Variants in PYROXD2 observed in about 807,000 individuals in gnomAD.
PYROXD2 encodes pyridine nucleotide-disulphide oxidoreductase domain 2, also known as pyridine nucleotide-disulfide oxidoreductase domain-containing protein 2.
In PYROXD2, 69 loss-of-function variants were observed where a neutral mutation model predicts 71.1. The ratio of observed to expected loss-of-function variants is 0.97; its 90% confidence interval spans 0.80 to 1.19. PYROXD2 has a LOEUF of 1.19. PYROXD2 is among the 50% of genes most tolerant of loss of function. The probability of loss-of-function intolerance (pLI) is 0.00; values close to 1 mark genes in which losing one functional copy is unlikely to be tolerated. For missense variants in PYROXD2, 745 were observed against 748.9 expected (o/e 0.99, Z 0.06); for synonymous variants, 287 against 302.7 (o/e 0.95, Z 0.54).
chr10:98,404,027 A>G (rs1843510935), intron 4 of PYROXD2, among the ~76,000 whole-genome samples: 1 of 152,184 alleles, frequency 6.6e-6, no homozygotes. Context: ...GGCTCTTCTA[A>G]ATGGAGGCTC....
chr10:98,410,750 A>T (rs7896828), intron 2 of PYROXD2, 189 bp downstream of exon 2: 304,728 of 780,332 alleles, frequency 0.39, 66,752 homozygotes, highest in African/African-American at 0.78. Context: ...TGTGATGTCC[A>T]CAGCTGGCTG....
chr10:98,386,031 C>T (rs1425060234), intron 14 of PYROXD2, among the ~76,000 whole-genome samples: 1 of 151,858 alleles, frequency 6.6e-6, no homozygotes, highest in Non-Finnish European at 1.5e-5. Flanking sequence ...AATCCCAGCA[C>T]TTTGGGAGGC....
intron 5 of PYROXD2, among the ~76,000 whole-genome samples, chr10:98,399,027 G>A (rs374706684): frequency 2.0e-4 from 30 of 152,146 alleles, no homozygotes; most frequent in Non-Finnish European, 3.7e-4. Context: ...TGTAATCCCA[G>A]CTACTCAGGT....
rs1590930530 is a variant in PYROXD2, at chr10:98,387,371, C to A, written c.1448-64G>T. The A allele has an allele frequency of 7.8e-6, 9 of 1,154,574 alleles. No individual in the cohort carries two copies. The East Asian group carries it at 1.9e-4, about 25-fold the overall frequency. The allele number at this position is 1,154,574 out of a possible 1,614,324, so 71.5% of individuals were successfully genotyped here. A position where few individuals can be genotyped will look rare whatever the true frequency, so the allele number is the denominator to read the frequency against. ...AAGAAGAGGAGGCACTATGGGTGTA[C>A]AACTTGGCAAATTTACTAACAGTCA... On this transcript the variant is annotated intron_variant, in intron 13 of 15. Transcript: ENST00000370575.
chr10:98,414,754 T>C (rs1157046749), intron 1 of PYROXD2: 1 of 466,850 alleles, frequency 2.1e-6, no homozygotes, highest in Admixed American at 3.9e-5. Flanking sequence ...TCATTCTCCA[T>C]GGGAAGATCC....
rs778301005 is a variant in PYROXD2 at position 98,397,394 on chromosome 10, C to G, written c.576G>C (p.Leu192Phe). The G allele has an allele frequency of 3.1e-6, 5 of 1,613,094 alleles. No homozygotes were observed. Among genetic ancestry groups the G allele is most frequent in the Non-Finnish European group, 4.2e-6 (5 of 1,179,406 alleles). The change falls in exon 6 of 16, where the codon TTG (leucine) becomes TTC (phenylalanine). Residue 192 changes from leucine (L) to phenylalanine (F), a missense_variant. Coordinates refer to ENST00000370575, the MANE Select transcript of PYROXD2 (RefSeq NM_032709.3). ...VDMAAFQHGS[L>F]LQRMRSLSTL... is the part of the protein sequence containing the mutation. ...TGGAGAGCGACCTCATCCTTTGCAG[C>G]AAGGAGCCATGCTGGAAGGCCGCCA...
At chr10:98,408,062 G>A in intron 2 of PYROXD2, 65 bp from the exon 3 acceptor site, 4 of 1,485,140 alleles carry the variant, frequency 2.7e-6, no homozygotes, top group Non-Finnish European at 3.7e-6. Context: ...GCTCCCTCGG[G>A]CTGACCCGCA....
At chr10:98,388,196 C>A (rs748141299) in intron 13 of PYROXD2, 158 bp downstream of exon 13, 2 of 688,364 alleles carry the variant, frequency 2.9e-6, no homozygotes, top group Non-Finnish European at 5.0e-6. Flanking sequence ...CTGACCCCTG[C>A]AGTCAACTAT....
At chr10:98,412,637 C>G (rs957651590) in intron 1 of PYROXD2, among the ~76,000 whole-genome samples, 89 of 152,310 alleles carry the variant, frequency 5.8e-4, no homozygotes, top group African/African-American at 2.0e-3. Context: ...GCCAGTGTGC[C>G]TTCAGGGACT....
At chr10:98,411,983 A>T (rs1412459707) in intron 1 of PYROXD2, 1 of 152,256 alleles carries the variant, frequency 6.6e-6, no homozygotes, top group East Asian at 1.9e-4. Flanking sequence ...GACATGCAGC[A>T]AACTAAAGGC....
At chr10:98,386,327 G>GGAAGGA (rs1554873931) in intron 14 of PYROXD2, among the ~76,000 whole-genome samples, 32,560 of 134,752 alleles carry the variant, frequency 0.24, 4,379 homozygotes, top group South Asian at 0.33. Flanking sequence ...GGAAGGGAGG[G>GGAAGGA]AGGAAGGAAG....
intron 1 of PYROXD2, among the ~76,000 whole-genome samples, chr10:98,413,148 GGT>G (rs746730238): frequency 2.6e-4 from 39 of 152,238 alleles, no homozygotes; most frequent in Middle Eastern, 6.8e-3. Context: ...TGTGCTACTG[GGT>G]ATCTCTCCTA....
At chr10:98,384,549 T>C (rs1009366250) in intron 15 of PYROXD2, among the ~76,000 whole-genome samples, 4 of 152,160 alleles carry the variant, frequency 2.6e-5, no homozygotes, top group African/African-American at 9.7e-5. Context: ...CCCAGGAGGT[T>C]GAGGCTGCAG....
chr10:98,406,871 G>A (rs1296686638), intron 4 of PYROXD2, among the ~76,000 whole-genome samples: 2 of 133,648 alleles, frequency 1.5e-5, no homozygotes, highest in Admixed American at 8.3e-5. Context: ...CAGCCTGGGC[G>A]ACAGAGCCAG....
rs183883114 is a variant in PYROXD2, at chr10:98,393,176, G to A, written c.786-93C>T. 2.4e-4 allele frequency: 236 copies of A among 982,200 alleles called. 3 individuals carry two copies. In the East Asian group the frequency reaches 6.3e-3, roughly 26 times the overall value. The allele number at this position is 982,200 out of a possible 1,614,324, so 60.8% of individuals were successfully genotyped here. On this transcript the variant is annotated intron_variant, in intron 8 of 15. Coordinates refer to ENST00000370575, the MANE Select transcript of PYROXD2 (RefSeq NM_032709.3). ...CTATTCCTTTCCATCTTGATCTTCAGCCCTTCCCTGCCACCATCCAGCCCT... is the reference window on the plus strand; with the variant it reads ...CTATTCCTTTCCATCTTGATCTTCAACCCTTCCCTGCCACCATCCAGCCCT...
intron 1 of PYROXD2, chr10:98,413,902 A>T (rs1224624203): frequency 6.6e-6 from 1 of 152,160 alleles, no homozygotes; most frequent in African/African-American, 2.4e-5. Flanking sequence ...TGAGTTTGGC[A>T]AAAATCAAAG....
At chr10:98,404,149 C>T (rs1343473997) in intron 4 of PYROXD2, among the ~76,000 whole-genome samples, 2 of 152,190 alleles carry the variant, frequency 1.3e-5, no homozygotes, top group South Asian at 2.1e-4. Flanking sequence ...TAGAAGGAGG[C>T]GTAAACAGAC....
At chr10:98,413,070 G>A (rs1393831413) in intron 1 of PYROXD2, among the ~76,000 whole-genome samples, 1 of 152,216 alleles carries the variant, frequency 6.6e-6, no homozygotes, top group Non-Finnish European at 1.5e-5. Context: ...ACATTTGACT[G>A]TTGCCCATGC....
intron 9 of PYROXD2, 99 bp downstream of exon 9, chr10:98,392,843 C>T: frequency 3.6e-6 from 5 of 1,383,998 alleles, no homozygotes; most frequent in Non-Finnish European, 5.1e-6. Context: ...CTCATGGCCC[C>T]TCTGTTCATT....
Sources: allele counts gnomAD v4.1 joint callset (sites outside exome capture counted in the v4.1 genomes callset), GRCh38; gene constraint gnomAD v4.1.1; transcripts MANE v1.5; gene names NCBI Gene and HGNC (gene_info 2026-07-23, HGNC 2026-07-21).